TENM4: variants seen among roughly 807,000 people sequenced by gnomAD.
The protein encoded by TENM4 is teneurin-4.
Under a neutral mutation model 243.3 loss-of-function variants are expected in TENM4, and 82 were observed. That is an observed-to-expected ratio of 0.34 (90% CI 0.28 to 0.40). TENM4 has a LOEUF of 0.40. TENM4 is among the 10% of genes least tolerant of loss of function. TENM4 has a pLI of 1.00. For synonymous variants in TENM4, 1,412 were observed against 1,456.3 expected, an observed-to-expected ratio of 0.97 and a Z score of 0.69; for missense variants, 3,138 against 3,673.3, an observed-to-expected ratio of 0.85 and a Z score of 3.77.
intron 6 of TENM4, among the ~76,000 whole-genome samples, chr11:78,933,724 G>A (rs1212653191): frequency 6.6e-6 from 1 of 152,194 alleles, no homozygotes; most frequent in Non-Finnish European, 1.5e-5. Flanking sequence ...AGCCAGCCAC[G>A]TGTAAGCTGG....
intron 15 of TENM4, among the ~76,000 whole-genome samples, chr11:78,790,138 C>T (rs1336946553): frequency 6.6e-6 from 1 of 152,194 alleles, no homozygotes; most frequent in African/African-American, 2.4e-5. Context: ...CTCTGCCCCC[C>T]AGGAGATCTC....
chr11:79,398,587 T>G (rs995284627), intron 1 of TENM4, among the ~76,000 whole-genome samples: 2 of 152,072 alleles, frequency 1.3e-5, no homozygotes, highest in African/African-American at 4.8e-5. Flanking sequence ...AACAAGTGGC[T>G]TAGTTTTAGT....
intron 1 of TENM4, among the ~76,000 whole-genome samples, chr11:79,420,447 C>T (rs1858906621): frequency 6.6e-6 from 1 of 152,142 alleles, no homozygotes; most frequent in Non-Finnish European, 1.5e-5. Context: ...AAAGTTAGCA[C>T]TTCCCAAAGA....
At chr11:79,282,550 G>A (rs1856175388) in intron 2 of TENM4, among the ~76,000 whole-genome samples, 1 of 152,166 alleles carries the variant, frequency 6.6e-6, no homozygotes, top group South Asian at 2.1e-4. Context: ...ATTTCAGCCA[G>A]TAACATTCTT....
rs369844183 is a variant in TENM4 at position 78,726,134 on chromosome 11, C to A, written c.3495G>T (p.Ala1165=). The change falls in exon 23 of 34, where the codon GCG becomes GCT. Residue 1165 remains alanine (A), a synonymous_variant. Coordinates refer to ENST00000278550, the MANE Select transcript of TENM4 (RefSeq NM_001098816.3). ...CTAGGCTCCATCCTCCAAGCTTGGA[C>A]GCGTCAATTTCATAGCCCTGCAGCA... The part of the protein sequence containing the change: ...TTVLQGYEID[A]SKLGGWSLDK... 1 of 1,614,004 alleles carries A rather than the reference C, an allele frequency of 6.2e-7. No individual in the cohort carries two copies. The highest frequency in any genetic ancestry group is 1.1e-5 in the South Asian group (1 of 91,074).
intron 27 of TENM4, among the ~76,000 whole-genome samples, chr11:78,704,157 G>GTATATATATA (rs1201390547): frequency 1.4e-5 from 1 of 70,536 alleles, no homozygotes; most frequent in African/African-American, 6.0e-5. Context: ...ATGTATGTGT[G>GTATATATATA]TCTATATATA....
intron 3 of TENM4, chr11:79,191,557 G>A (rs1356509730): frequency 6.1e-6 from 1 of 164,424 alleles, no homozygotes; most frequent in African/African-American, 2.4e-5. Flanking sequence ...ACCCCGTCTG[G>A]GAAGTGAGGA....
At chr11:79,007,236 C>T (rs773087539) in intron 6 of TENM4, among the ~76,000 whole-genome samples, 1 of 152,116 alleles carries the variant, frequency 6.6e-6, no homozygotes, top group Non-Finnish European at 1.5e-5. Context: ...AATGGTTTTA[C>T]TTGACTGGAG....
chr11:78,742,817 C>G (rs1479193163), intron 19 of TENM4, among the ~76,000 whole-genome samples: 2 of 152,142 alleles, frequency 1.3e-5, no homozygotes, highest in Non-Finnish European at 2.9e-5. Flanking sequence ...CACTCCAAAA[C>G]AAAATCAAGC....
At chr11:78,831,430 A>T (rs1342670881) in intron 12 of TENM4, among the ~76,000 whole-genome samples, 2 of 152,208 alleles carry the variant, frequency 1.3e-5, no homozygotes, top group African/African-American at 4.8e-5. Context: ...CTCTACTCTC[A>T]CAGTCTGATG....
chr11:79,180,601 C>A (rs1289571361), intron 3 of TENM4, among the ~76,000 whole-genome samples: 1 of 151,528 alleles, frequency 6.6e-6, no homozygotes, highest in East Asian at 1.9e-4. Flanking sequence ...TGGGGTTAAT[C>A]ATAACTATAC....
chr11:78,931,422 T>C (rs1031080251), intron 6 of TENM4, among the ~76,000 whole-genome samples: 1 of 152,176 alleles, frequency 6.6e-6, no homozygotes, highest in African/African-American at 2.4e-5. Context: ...AAAGCACTGG[T>C]GTTTTCAGTA....
At chr11:78,697,066 C>A (rs1277674501) in intron 28 of TENM4, among the ~76,000 whole-genome samples, 1 of 152,122 alleles carries the variant, frequency 6.6e-6, no homozygotes, top group Non-Finnish European at 1.5e-5. Flanking sequence ...CCAGGTCGAC[C>A]ACAAAGGACA....
chr11:78,953,262 G>T (rs1857141196), intron 6 of TENM4, among the ~76,000 whole-genome samples: 1 of 152,180 alleles, frequency 6.6e-6, no homozygotes, highest in African/African-American at 2.4e-5. Context: ...GGTGCCTTGG[G>T]CTTACTGTCC....
At chr11:78,768,655 A>T (rs925152003) in intron 18 of TENM4, among the ~76,000 whole-genome samples, 1 of 152,212 alleles carries the variant, frequency 6.6e-6, no homozygotes, top group African/African-American at 2.4e-5. Flanking sequence ...TCAGCCCATA[A>T]CATGCTCCAA....
At chr11:79,081,949 C>A (rs1263868133) in intron 4 of TENM4, among the ~76,000 whole-genome samples, 1 of 152,114 alleles carries the variant, frequency 6.6e-6, no homozygotes, top group Non-Finnish European at 1.5e-5. Flanking sequence ...GCTCTTAGAG[C>A]AGGTGGGTTG....
At chr11:78,967,229 C>G (rs531782050) in intron 6 of TENM4, among the ~76,000 whole-genome samples, 1 of 152,212 alleles carries the variant, frequency 6.6e-6, no homozygotes, top group African/African-American at 2.4e-5. Context: ...TTGTCTGTGT[C>G]CACCCACTAG....
At chr11:79,058,404 G>T (rs1474473955) in intron 6 of TENM4, among the ~76,000 whole-genome samples, 2 of 152,114 alleles carry the variant, frequency 1.3e-5, no homozygotes, top group Non-Finnish European at 2.9e-5. Flanking sequence ...AATTAGCCAG[G>T]TGTGGTGGTG....
intron 8 of TENM4, among the ~76,000 whole-genome samples, chr11:78,890,711 C>T (rs1394949782): frequency 1.3e-5 from 2 of 152,192 alleles, no homozygotes; most frequent in African/African-American, 4.8e-5. Flanking sequence ...CTGCACCCTA[C>T]AGCCTAGTCA....
Sources: allele counts gnomAD v4.1 joint callset (sites outside exome capture counted in the v4.1 genomes callset), GRCh38; gene constraint gnomAD v4.1.1; transcripts MANE v1.5; gene names NCBI Gene and HGNC (gene_info 2026-07-23, HGNC 2026-07-21).